SV2C: variants seen among roughly 807,000 people sequenced by gnomAD.
SV2C encodes synaptic vesicle glycoprotein 2C.
Under a neutral mutation model 79.7 loss-of-function variants are expected in SV2C, and 49 were observed. That is an observed-to-expected ratio of 0.61 (90% CI 0.49 to 0.78). The LOEUF (loss-of-function observed/expected upper bound fraction) is 0.78. Ranked by LOEUF, SV2C falls within the 30% of genes least tolerant of loss-of-function variation. The pLI is 0.00. For missense variants in SV2C, 833 were observed against 912.9 expected (o/e 0.91, Z 1.13); for synonymous variants, 334 against 333.2 (o/e 1.00, Z -0.03).
At chr5:75,987,784 A>C in the SV2C span, among the ~76,000 whole-genome samples, 1 of 152,054 alleles carries the variant, frequency 6.6e-6, no homozygotes, top group Non-Finnish European at 1.5e-5. Context: ...TAAAGCAATC[A>C]CTACTGCCAT....
At chr5:76,144,084 A>C (rs1422276697) in intron 2 of SV2C, among the ~76,000 whole-genome samples, 1 of 152,242 alleles carries the variant, frequency 6.6e-6, no homozygotes, top group East Asian at 1.9e-4. Context: ...GTGGTTACGC[A>C]ACAATGTGAA....
chr5:75,967,722 C>T, the SV2C span, among the ~76,000 whole-genome samples: 1 of 152,250 alleles, frequency 6.6e-6, no homozygotes, highest in African/African-American at 2.4e-5. Flanking sequence ...GCCTGCCTGC[C>T]TCTGTAGGCT....
At chr5:75,875,399 C>T in the SV2C span, among the ~76,000 whole-genome samples, 1 of 152,006 alleles carries the variant, frequency 6.6e-6, no homozygotes, top group African/African-American at 2.4e-5. Context: ...TGAAGCTGGA[C>T]CCCTTTCTTA....
chr5:76,114,163 G>A (rs747892644), intron 1 of SV2C, among the ~76,000 whole-genome samples: 12 of 152,140 alleles, frequency 7.9e-5, no homozygotes, highest in African/African-American at 2.4e-4. Flanking sequence ...ACAGAGCACC[G>A]GTGGAGATGT....
At chr5:76,009,991 GT>G in the SV2C span, among the ~76,000 whole-genome samples, 3,560 of 112,658 alleles carry the variant, frequency 0.032, 124 homozygotes, top group African/African-American at 0.11. Context: ...TATCTATTTT[GT>G]TTTTTTTTTT....
At chr5:76,223,485 A>ATG (rs1745143840) in intron 4 of SV2C, among the ~76,000 whole-genome samples, 3 of 43,358 alleles carry the variant, frequency 6.9e-5, no homozygotes, top group South Asian at 5.1e-4. Flanking sequence ...ATATATATAT[A>ATG]TATATATATA....
In SV2C at chr5:76,301,738, G is replaced by C. The variant is rs376516774; in HGVS notation, c.2000+193G>C. ...AGCCTGGCCAATATGGTGAAACCTC[G>C]TCTCTACTTAAAATACAAAAATTAG... On this transcript the variant is annotated intron_variant, in intron 12 of 12. Coordinates refer to ENST00000502798, the MANE Select transcript of SV2C (RefSeq NM_014979.4). Among the ~76,000 whole-genome samples, 9 of 151,922 alleles carry C rather than the reference G, an allele frequency of 5.9e-5. No homozygotes were observed. In the East Asian group the frequency reaches 1.6e-3, roughly 26 times the overall value.
chr5:76,100,996 A>G (rs991602665), intron 1 of SV2C, among the ~76,000 whole-genome samples: 9 of 152,328 alleles, frequency 5.9e-5, no homozygotes, highest in South Asian at 2.1e-4. Flanking sequence ...CCCTCGTTTA[A>G]TAACCACTGA....
intron 3 of SV2C, among the ~76,000 whole-genome samples, chr5:76,196,701 T>A (rs1404054190): frequency 6.6e-6 from 1 of 152,234 alleles, no homozygotes; most frequent in Non-Finnish European, 1.5e-5. Flanking sequence ...AACAGAAGGC[T>A]AACAGCATAA....
chr5:76,013,592 C>T, the SV2C span, among the ~76,000 whole-genome samples: 6 of 152,140 alleles, frequency 3.9e-5, no homozygotes, highest in Non-Finnish European at 2.9e-5. Context: ...TTTGGATACG[C>T]TTTATTTCTT....
rs75953158 is a variant in SV2C at position 76,182,304 on chromosome 5, A to G, written c.581-12615A>G. On this transcript the variant is annotated intron_variant, in intron 2 of 12. Transcript: ENST00000502798. Reference sequence around the variant, plus strand: ...CCCGCCTCTTGTATTTCTTTTATCAATTTTGTTATGACCTATCCCAAGCTG... The same window carrying G: ...CCCGCCTCTTGTATTTCTTTTATCAGTTTTGTTATGACCTATCCCAAGCTG... 2.6e-3 allele frequency among the ~76,000 whole-genome samples: 390 copies of G among 152,056 alleles called. 2 individuals carry two copies. Among genetic ancestry groups the G allele is most frequent in the African/African-American group, 8.8e-3 (364 of 41,476 alleles).
intron 2 of SV2C, among the ~76,000 whole-genome samples, chr5:76,149,715 C>T (rs1241812535): frequency 1.3e-5 from 2 of 152,054 alleles, no homozygotes; most frequent in African/African-American, 4.8e-5. Flanking sequence ...GAGGGATGCA[C>T]ATTTTTTTCC....
Position 76,194,908 on chromosome 5 carries a change from G to A in SV2C, c.581-11G>A, listed in dbSNP as rs2112327465. ...CCTCTGATGTGTTTCTTTGTTTTCT[G>A]TGTGTTGCAGGCAGCATAGTGTACC... On this transcript the variant is annotated splice_polypyrimidine_tract_variant and intron_variant, in intron 2 of 12. Transcript: ENST00000502798. 3 of 1,611,860 alleles carry A rather than the reference G, an allele frequency of 1.9e-6. No individual in the cohort carries two copies. Among genetic ancestry groups the A allele is most frequent in the Non-Finnish European group, 1.7e-6 (2 of 1,179,010 alleles).
At chr5:76,022,076 G>T in the SV2C span, among the ~76,000 whole-genome samples, 1 of 152,122 alleles carries the variant, frequency 6.6e-6, no homozygotes, top group Non-Finnish European at 1.5e-5. Context: ...TCATGACAAG[G>T]CTAGGCTGAG....
At chr5:76,090,557 A>C (rs1351449157) in intron 1 of SV2C, among the ~76,000 whole-genome samples, 1 of 152,156 alleles carries the variant, frequency 6.6e-6, no homozygotes, top group Non-Finnish European at 1.5e-5. Context: ...TCAGACCTTT[A>C]GATGAGCATC....
chr5:76,082,077 A>G (rs1025444741), upstream of SV2C: 6 of 152,292 alleles, frequency 3.9e-5, no homozygotes, highest in Admixed American at 3.3e-4. Context: ...TGCAGCCCGT[A>G]TTGGCGCGGC....
the SV2C span, among the ~76,000 whole-genome samples, chr5:75,867,124 G>A: frequency 1.3e-5 from 2 of 152,170 alleles, no homozygotes; most frequent in Admixed American, 1.3e-4. Context: ...AGGCTTCTGT[G>A]CCTTGAGGAA....
At chr5:76,031,612 G>A in the SV2C span, among the ~76,000 whole-genome samples, 3 of 152,238 alleles carry the variant, frequency 2.0e-5, no homozygotes, top group South Asian at 4.1e-4. Flanking sequence ...TGATCAAATA[G>A]CAATTACATT....
chr5:75,871,856 C>T, the SV2C span, among the ~76,000 whole-genome samples: 474 of 134,472 alleles, frequency 3.5e-3, 3 homozygotes, highest in African/African-American at 0.013. Context: ...CACACACACA[C>T]ACGTATATAT....
Sources: allele counts gnomAD v4.1 joint callset (sites outside exome capture counted in the v4.1 genomes callset), GRCh38; gene constraint gnomAD v4.1.1; transcripts MANE v1.5; gene names NCBI Gene and HGNC (gene_info 2026-07-23, HGNC 2026-07-21).